Variants in NTRK2 observed in about 807,000 individuals in gnomAD.
NTRK2 encodes the protein BDNF/NT-3 growth factors receptor.
In NTRK2, 13 loss-of-function variants were observed where a neutral mutation model predicts 94.5. The ratio of observed to expected loss-of-function variants is 0.14; its 90% CI spans 0.09 to 0.22. The LOEUF (loss-of-function observed/expected upper bound fraction) is 0.22. Ranked by LOEUF, NTRK2 falls within the 10% of genes least tolerant of loss-of-function variation. The pLI is 1.00. For synonymous variants in NTRK2, 372 were observed against 407.4 expected (o/e 0.91, Z 1.05); for missense variants, 639 against 1,071.2 (o/e 0.60, Z 5.63).
intron 14 of NTRK2, among the ~76,000 whole-genome samples, chr9:84,887,703 A>C (rs1254898250): frequency 6.6e-6 from 1 of 152,338 alleles, no homozygotes; most frequent in East Asian, 1.9e-4. Flanking sequence ...CTCTGCCTCC[A>C]GGGACAGCAG....
intron 13 of NTRK2, among the ~76,000 whole-genome samples, chr9:84,864,787 C>CTGGAGTG (rs1442758172): frequency 7.9e-6 from 1 of 127,348 alleles, no homozygotes; most frequent in African/African-American, 3.0e-5. Context: ...GTCACCCAGG[C>CTGGAGTG]TGGAGTGCAG....
intron 14 of NTRK2, chr9:84,874,165 G>T: frequency 9.4e-7 from 1 of 1,065,022 alleles, no homozygotes; most frequent in Non-Finnish European, 1.1e-6. Context: ...GGCCACTCTT[G>T]CATGTGCTAG....
At chr9:84,786,519 G>A (rs2068127820) in intron 12 of NTRK2, among the ~76,000 whole-genome samples, 1 of 151,860 alleles carries the variant, frequency 6.6e-6, no homozygotes, top group Non-Finnish European at 1.5e-5. Context: ...TCTACTTCTG[G>A]TTCCTTTTTG....
intron 10 of NTRK2, among the ~76,000 whole-genome samples, chr9:84,742,173 G>T (rs953956233): frequency 1.3e-5 from 2 of 152,146 alleles, no homozygotes; most frequent in Non-Finnish European, 2.9e-5. Context: ...CATTCCGCTG[G>T]CTGTAACAGA....
At position 84,843,949 on chromosome 9, in the gene NTRK2, G is replaced by T. The variant is rs368228402; in HGVS notation, c.1397-17091G>T. Among the ~76,000 whole-genome samples the T allele has an allele frequency of 1.6e-4, 24 of 152,304 alleles. No individual in the cohort carries two copies. The South Asian group carries it at 4.6e-3, about 29-fold the overall frequency. ...AAAGGATTTTAAGGGGGAAGGATTG[G>T]CATTGACAAGACATAGAGGCAAGAC... On this transcript the variant is annotated intron_variant, in intron 12 of 18. Transcript: ENST00000277120.
intron 17 of NTRK2, among the ~76,000 whole-genome samples, chr9:84,984,331 G>A (rs1226955028): frequency 6.6e-6 from 1 of 152,032 alleles, no homozygotes; most frequent in Non-Finnish European, 1.5e-5. Flanking sequence ...AAATTAGCCT[G>A]GCATAGTGGT....
At chr9:84,696,721 C>A (rs1469120875) in intron 2 of NTRK2, among the ~76,000 whole-genome samples, 1 of 152,198 alleles carries the variant, frequency 6.6e-6, no homozygotes, top group Non-Finnish European at 1.5e-5. Flanking sequence ...GCTAAAACTG[C>A]ATGCCAACCG....
chr9:84,796,017 C>T (rs1298828550), intron 12 of NTRK2, among the ~76,000 whole-genome samples: 1 of 151,698 alleles, frequency 6.6e-6, no homozygotes, highest in African/African-American at 2.4e-5. Flanking sequence ...CACATCCCTG[C>T]TCCCTATCTC....
chr9:84,967,592 G>A (rs7868917), intron 17 of NTRK2, among the ~76,000 whole-genome samples: 2 of 152,276 alleles, frequency 1.3e-5, no homozygotes, highest in Admixed American at 1.3e-4. Context: ...GACAGCACCA[G>A]CCTTCTCATA....
At chr9:84,760,102 A>G (rs1208055207) in intron 12 of NTRK2, among the ~76,000 whole-genome samples, 1 of 152,182 alleles carries the variant, frequency 6.6e-6, no homozygotes, top group Non-Finnish European at 1.5e-5. Context: ...CAACCCAAGG[A>G]ACATATAGGA....
chr9:84,868,217 T>TCAGGTGGCC lies in NTRK2; in HGVS notation c.1633+789_1633+790insGTGGCCCAG, dbSNP rs200427301. Among the ~76,000 whole-genome samples the TCAGGTGGCC allele has an allele frequency of 4.6e-3, 705 of 152,310 alleles. 11 individuals are homozygous for TCAGGTGGCC. The highest frequency in any genetic ancestry group is 0.037 in the Admixed American group (572 of 15,290). On this transcript the variant is annotated intron_variant, in intron 14 of 18. Transcript: ENST00000277120. The stretch of plus-strand genomic sequence containing the variant: ...ATAAGGGGCCGTGAGGGCTATGATG[T>TCAGGTGGCC]CAGATCCCAGAGATTCCCTGCCACT...
intron 12 of NTRK2, among the ~76,000 whole-genome samples, chr9:84,831,529 A>G (rs10780688): frequency 0.5 from 76,084 of 151,956 alleles, 19,234 homozygotes; most frequent in African/African-American, 0.56. Flanking sequence ...CATATACCAG[A>G]CAGTACTTTA....
At chr9:84,937,627 T>A (rs1429909645) in intron 15 of NTRK2, among the ~76,000 whole-genome samples, 1 of 152,216 alleles carries the variant, frequency 6.6e-6, no homozygotes, top group Non-Finnish European at 1.5e-5. Flanking sequence ...CCTTTGTTTT[T>A]TTAGTGAAAT....
At chr9:84,791,073 T>A (rs1199706402) in intron 12 of NTRK2, among the ~76,000 whole-genome samples, 1 of 152,224 alleles carries the variant, frequency 6.6e-6, no homozygotes, top group Non-Finnish European at 1.5e-5. Context: ...AACTTACTAA[T>A]GTCAGAGCTT....
Position 85,023,113 on chromosome 9 carries a change from C to G in NTRK2, c.*1676C>G, listed in dbSNP as rs1022304012. The G allele has an allele frequency of 2.6e-5, 6 of 232,938 alleles. No individual in the cohort carries two copies. The highest frequency in any genetic ancestry group is 1.3e-4 in the African/African-American group (6 of 45,316). 14.4% of individuals were successfully genotyped at this position (232,938 alleles called of 1,614,324 possible). Reference sequence around the variant, plus strand: ...CAGACCAAGCACTGGAAGTGTGCTTCTAGGCATAGTCATTGGTTTTGCAAA... The same window carrying G: ...CAGACCAAGCACTGGAAGTGTGCTTGTAGGCATAGTCATTGGTTTTGCAAA... On this transcript the variant is annotated 3_prime_UTR_variant, in exon 19 of 19. Transcript: ENST00000277120.
chr9:84,714,454 C>T (rs1047604654), intron 6 of NTRK2, among the ~76,000 whole-genome samples: 5 of 152,182 alleles, frequency 3.3e-5, no homozygotes, highest in Non-Finnish European at 7.3e-5. Flanking sequence ...CACTTTCCAA[C>T]TTTGTTCTGG....
intron 14 of NTRK2, chr9:84,872,001 G>A: frequency 2.6e-6 from 4 of 1,513,652 alleles, no homozygotes; most frequent in South Asian, 1.2e-5. Context: ...ACAAAGCAGT[G>A]TGCTCTAATG....
At chr9:85,012,177 C>T (rs564443007) in intron 17 of NTRK2, among the ~76,000 whole-genome samples, 105 of 151,700 alleles carry the variant, frequency 6.9e-4, no homozygotes, top group Non-Finnish European at 1.1e-3. Context: ...TTAGTAGAGA[C>T]GGGGTTTCAC....
chr9:84,870,331 G>GTGTGTGTGTGTATATATATATA (rs1349303529), intron 14 of NTRK2, among the ~76,000 whole-genome samples: 22 of 31,178 alleles, frequency 7.1e-4, no homozygotes, highest in African/African-American at 1.9e-3. Flanking sequence ...GTGTGTGTGT[G>GTGTGTGTGTGTATATATATATA]TATATATATA....
Sources: gnomAD v4.1 joint callset for allele counts (sites outside exome capture counted in the v4.1 genomes callset) on GRCh38, gnomAD v4.1.1 for gene constraint, MANE v1.5 for transcripts, NCBI Gene and HGNC (gene_info 2026-07-23, HGNC 2026-07-21) for gene names.